PPM1H: variants seen among roughly 807,000 people sequenced by gnomAD.
The protein encoded by PPM1H is protein phosphatase 1H.
A neutral mutation model predicts 54.9 loss-of-function variants in PPM1H; 27 were observed. The ratio of observed to expected loss-of-function variants is 0.49; its 90% CI spans 0.36 to 0.68. The LOEUF (loss-of-function observed/expected upper bound fraction) is 0.68. Among genes scored for constraint, PPM1H ranks in the 30% least tolerant of loss-of-function variants. The probability of loss-of-function intolerance (pLI) is 0.00; values close to 1 mark genes in which losing one functional copy is unlikely to be tolerated. For missense variants in PPM1H, 596 were observed against 667.8 expected (o/e 0.89, Z 1.19); for synonymous variants, 305 against 270.8 (o/e 1.13, Z -1.24).
chr12:62,810,213 T>C (rs536337357), intron 2 of PPM1H, among the ~76,000 whole-genome samples: 64 of 152,322 alleles, frequency 4.2e-4, no homozygotes, highest in African/African-American at 1.3e-3. Context: ...ACACTTCACA[T>C]TGGTAAAACC....
At chr12:62,779,279 C>T (rs1306293590) in intron 4 of PPM1H, among the ~76,000 whole-genome samples, 2 of 152,126 alleles carry the variant, frequency 1.3e-5, no homozygotes, top group African/African-American at 2.4e-5. Flanking sequence ...GAACTCCTGA[C>T]CTTGTGATCT....
At chr12:62,695,926 G>A (rs1419589239) in intron 6 of PPM1H, among the ~76,000 whole-genome samples, 1 of 152,180 alleles carries the variant, frequency 6.6e-6, no homozygotes, top group Non-Finnish European at 1.5e-5. Context: ...AGAGGATGCA[G>A]CAGTGGAGAC....
intron 4 of PPM1H, among the ~76,000 whole-genome samples, chr12:62,756,678 T>G (rs1408514327): frequency 1.3e-5 from 2 of 150,940 alleles, no homozygotes; most frequent in South Asian, 2.1e-4. Flanking sequence ...GAGTACTTAC[T>G]GAGAAATACA....
chr12:62,793,409 C>G (rs1004730110), intron 3 of PPM1H, among the ~76,000 whole-genome samples: 1 of 151,706 alleles, frequency 6.6e-6, no homozygotes, highest in East Asian at 1.9e-4. Flanking sequence ...CTCCTTGTTG[C>G]AAGGAGAAAC....
chr12:62,888,207 T>C (rs1403532862), intron 1 of PPM1H, among the ~76,000 whole-genome samples: 2 of 152,080 alleles, frequency 1.3e-5, no homozygotes, highest in African/African-American at 4.8e-5. Flanking sequence ...ATCCACTTCA[T>C]CAACTAGGTG....
chr12:62,691,652 C>T lies in PPM1H; in HGVS notation c.1138-1846G>A, dbSNP rs192060571. ...TAGCCAGGGCAATGTGGTAAAACCT[C>T]CTGACTACAAAAAATACAAAAATTA... On this transcript the variant is annotated intron_variant, in intron 7 of 9. Transcript: ENST00000228705. Among the ~76,000 whole-genome samples the T allele has an allele frequency of 2.0e-5, 3 of 152,058 alleles. No individual in the cohort carries two copies. The East Asian group carries it at 5.8e-4, about 30-fold the overall frequency.
In PPM1H at chr12:62,933,739, G is replaced by A. The variant is rs901334603; in HGVS notation, c.245+753C>T. Among the ~76,000 whole-genome samples, 3 of 152,016 alleles carry A rather than the reference G, an allele frequency of 2.0e-5. No homozygotes were observed. The South Asian group carries it at 6.2e-4, about 31-fold the overall frequency. On this transcript the variant is annotated intron_variant, in intron 1 of 9. Coordinates refer to ENST00000228705, the MANE Select transcript of PPM1H (RefSeq NM_020700.2). Reference sequence around the variant, plus strand: ...TAAAATCCTCCACCTCTCCTTTCCCGATTCCACTCTGGGTCGTCAACCTAA... The same window carrying A: ...TAAAATCCTCCACCTCTCCTTTCCCAATTCCACTCTGGGTCGTCAACCTAA...
intron 6 of PPM1H, among the ~76,000 whole-genome samples, chr12:62,718,528 G>T (rs190717422): frequency 9.7e-4 from 148 of 152,150 alleles, no homozygotes; most frequent in African/African-American, 3.4e-3. Flanking sequence ...CTGGCATCCC[G>T]TTTTCCCTAT....
intron 4 of PPM1H, among the ~76,000 whole-genome samples, chr12:62,774,714 A>C (rs2076599587): frequency 6.6e-6 from 1 of 152,184 alleles, no homozygotes; most frequent in Non-Finnish European, 1.5e-5. Context: ...CAAGGAGAAA[A>C]TACATTCTTA....
rs866151959 is a variant in PPM1H, at chr12:62,781,582, T to C, written c.869+6644A>G. Among the ~76,000 whole-genome samples, 12 of 152,360 alleles carry C rather than the reference T, an allele frequency of 7.9e-5. 1 individual carries two copies. Among genetic ancestry groups the C allele is most frequent in the Middle Eastern group, 6.8e-3 (2 of 294 alleles). On this transcript the variant is annotated intron_variant, in intron 4 of 9. Transcript: ENST00000228705. ...CTTGAGCATGCATTGGAGTCACCTG[T>C]AGGACTTGCTAAACACAGACTGCTG...
At chr12:62,854,556 C>A (rs538437638) in intron 1 of PPM1H, among the ~76,000 whole-genome samples, 28 of 152,264 alleles carry the variant, frequency 1.8e-4, no homozygotes, top group African/African-American at 6.7e-4. Flanking sequence ...TAGTATTTAA[C>A]CTCTCAGGGT....
At chr12:62,683,033 TTTA>T (rs71086626) in intron 8 of PPM1H, among the ~76,000 whole-genome samples, 20,431 of 133,240 alleles carry the variant, frequency 0.15, 1,519 homozygotes, top group South Asian at 0.24. Flanking sequence ...GAGTTTATTA[TTTA>T]TTATTATTAT....
chr12:62,800,054 C>G (rs756316582), intron 3 of PPM1H, among the ~76,000 whole-genome samples: 5 of 152,114 alleles, frequency 3.3e-5, no homozygotes, highest in Non-Finnish European at 7.4e-5. Flanking sequence ...AATGTTATCT[C>G]TGTAACAAGG....
chr12:62,775,451 C>T lies in PPM1H; in HGVS notation c.869+12775G>A, dbSNP rs117870849. On this transcript the variant is annotated intron_variant, in intron 4 of 9. Transcript: ENST00000228705. ...ATTTGTGTAAGATTCTACCAGAAAG[C>T]GTACCAACAATGGACCCACTGCTTA... Among the ~76,000 whole-genome samples, 1,121 of 152,282 alleles carry T rather than the reference C, an allele frequency of 7.4e-3. 5 individuals carry two copies. The highest frequency in any genetic ancestry group is 0.014 in the South Asian group (68 of 4,820).
intron 1 of PPM1H, among the ~76,000 whole-genome samples, chr12:62,877,733 T>C (rs558862971): frequency 3.3e-5 from 5 of 152,270 alleles, no homozygotes; most frequent in Non-Finnish European, 5.9e-5. Flanking sequence ...GAATGAATGA[T>C]TCACATCCAC....
intron 5 of PPM1H, among the ~76,000 whole-genome samples, chr12:62,733,758 T>C (rs2076336178): frequency 6.6e-6 from 1 of 152,200 alleles, no homozygotes; most frequent in Admixed American, 6.5e-5. Context: ...GAGTAAGGAT[T>C]AAAAAGGATA....
intron 5 of PPM1H, among the ~76,000 whole-genome samples, chr12:62,721,526 C>G (rs1170901616): frequency 6.6e-6 from 1 of 152,066 alleles, no homozygotes; most frequent in East Asian, 1.9e-4. Context: ...CTTTGAGGGG[C>G]TCTGAAAATT....
At chr12:62,904,495 C>T (rs552195649) in intron 1 of PPM1H, among the ~76,000 whole-genome samples, 1 of 152,306 alleles carries the variant, frequency 6.6e-6, no homozygotes, top group African/African-American at 2.4e-5. Flanking sequence ...GATCAGTGAA[C>T]ACAATGCCAT....
intron 1 of PPM1H, among the ~76,000 whole-genome samples, chr12:62,872,209 T>C (rs1462828803): frequency 6.6e-6 from 1 of 152,192 alleles, no homozygotes; most frequent in African/African-American, 2.4e-5. Flanking sequence ...TTAATTCCTA[T>C]CAAGAGACAG....
Sources: allele counts gnomAD v4.1 joint callset (sites outside exome capture counted in the v4.1 genomes callset), GRCh38; gene constraint gnomAD v4.1.1; transcripts MANE v1.5; gene names NCBI Gene and HGNC (gene_info 2026-07-23, HGNC 2026-07-21).